Variants in FBXW10 observed in about 807,000 individuals in gnomAD.
The protein encoded by FBXW10 is F-box/WD repeat-containing protein 10.
FBXW10 carries 68 observed loss-of-function variants against 113.1 expected under a neutral mutation model. The observed-to-expected ratio is 0.60, with a 90% CI of 0.49 to 0.74. FBXW10 has a LOEUF of 0.74. Among genes scored for constraint, FBXW10 ranks in the 30% least tolerant of loss-of-function variants. The pLI, the probability that FBXW10 is intolerant of heterozygous loss-of-function variation, is 0.00. For synonymous variants in FBXW10, 289 were observed against 481.6 expected (o/e 0.60, Z 5.24); for missense variants, 753 against 1,284.5 (o/e 0.59, Z 6.32).
rs1173693797 is a variant in FBXW10 at position 18,772,557 on chromosome 17, A to G, written c.2152A>G (p.Lys718Glu). 6.2e-7 allele frequency: 1 copy of G among 1,614,082 alleles called. No homozygotes were observed. Among genetic ancestry groups the G allele is most frequent in the African/African-American group, 1.3e-5 (1 of 75,062 alleles). ...EENSLMEILS[K>E]CNIQVHSPRE... ...AAATAGTCTCATGGAAATTCTCTCT[A>G]AGTGTAATATTCAGGTTCACAGCCC... The change falls in exon 12 of 14, where the codon AAG (lysine) becomes GAG (glutamate). Residue 718 changes from lysine (K) to glutamate (E), a missense_variant. By Grantham distance (56) the Lys-to-Glu change is moderately conservative. Coordinates refer to ENST00000395665, the MANE Select transcript of FBXW10 (RefSeq NM_001267585.2).
chr17:18,765,593 G>C (rs1362612783), intron 8 of FBXW10, among the ~76,000 whole-genome samples: 1 of 152,254 alleles, frequency 6.6e-6, no homozygotes, highest in Admixed American at 6.5e-5. Context: ...TGCCATGCAA[G>C]TGTCAACTCT....
chr17:18,769,839 A>G (rs1398034900), intron 10 of FBXW10, 88 bp from the exon 11 acceptor site: 2 of 1,470,114 alleles, frequency 1.4e-6, no homozygotes. Context: ...AGTGCTGCTC[A>G]ATCACACACA....
At chr17:18,755,517 C>G (rs1284710091) in intron 5 of FBXW10, among the ~76,000 whole-genome samples, 1 of 151,328 alleles carries the variant, frequency 6.6e-6, no homozygotes, top group Non-Finnish European at 1.5e-5. Flanking sequence ...GATCGCACCA[C>G]TACACTCCAG....
At chr17:18,750,425 G>A (rs2035142718) in intron 4 of FBXW10, among the ~76,000 whole-genome samples, 1 of 151,630 alleles carries the variant, frequency 6.6e-6, no homozygotes, top group Non-Finnish European at 1.5e-5. Flanking sequence ...CCAGCCCCCA[G>A]GGAGTTATAT....
At chr17:18,749,598 G>A in intron 2 of FBXW10, 124 bp from the exon 3 acceptor site, 1 of 1,205,222 alleles carries the variant, frequency 8.3e-7, no homozygotes, top group Admixed American at 2.7e-5. Context: ...CAAAAATCTA[G>A]TGGCCTAAGG....
intron 10 of FBXW10, chr17:18,769,641 G>T (rs1489762236): frequency 3.2e-6 from 1 of 316,020 alleles, no homozygotes; most frequent in Non-Finnish European, 5.8e-6. Context: ...GCCAGGTGTG[G>T]TGGCGCATCA....
chr17:18,747,735 G>A (rs1021872937), intron 1 of FBXW10, among the ~76,000 whole-genome samples: 12 of 151,982 alleles, frequency 7.9e-5, no homozygotes, highest in Admixed American at 7.9e-4. Context: ...ATTTTACAAT[G>A]GGGGCGTGCT....
At position 18,779,096 on chromosome 17, in the gene FBXW10, T is replaced by C. The variant is rs77817142; in HGVS notation, c.2957T>C (p.Val986Ala). 2.4e-3 allele frequency: 3,280 copies of C among 1,348,198 alleles called. 536 individuals are homozygous for C. The African/African-American group carries it at 0.046, about 19-fold the overall frequency. 83.5% of individuals were successfully genotyped at this position (1,348,198 alleles called of 1,614,324 possible). The change falls in exon 14 of 14, where the codon GTG (valine) becomes GCG (alanine). Residue 986 changes from valine (V) to alanine (A), a missense_variant. Physicochemically the swap from Val to Ala is moderately conservative, Grantham distance 64. Coordinates refer to ENST00000395665, the MANE Select transcript of FBXW10 (RefSeq NM_001267585.2). The stretch of plus-strand genomic sequence containing the variant: ...CCTTTTAGAGTGAACACTGAGTTCG[T>C]GCTGTTGACCGTGAAGGAGGAGAAG... ...LDPFRVNTEF[V>A]LLTVKEEKEH...
chr17:18,749,324 G>C (rs2035107614), intron 2 of FBXW10, among the ~76,000 whole-genome samples: 1 of 151,948 alleles, frequency 6.6e-6, no homozygotes, highest in East Asian at 1.9e-4. Flanking sequence ...GGATCACACG[G>C]TCAGGAGATC....
chr17:18,770,739 C>G (rs1273764951), intron 11 of FBXW10, among the ~76,000 whole-genome samples: 1 of 152,040 alleles, frequency 6.6e-6, no homozygotes, highest in Non-Finnish European at 1.5e-5. Flanking sequence ...CCTGAGAGCT[C>G]TATCAGCTAT....
At chr17:18,746,121 G>A (rs1012627478) in intron 1 of FBXW10, among the ~76,000 whole-genome samples, 14 of 152,050 alleles carry the variant, frequency 9.2e-5, no homozygotes, top group African/African-American at 2.9e-4. Context: ...GCTCTTGCTC[G>A]AACTATATTA....
chr17:18,744,457 C>G lies in FBXW10; in HGVS notation c.213C>G (p.His71Gln), dbSNP rs568555990. The G allele has an allele frequency of 6.2e-7, 1 of 1,613,742 alleles. No individual in the cohort carries two copies. Among genetic ancestry groups the G allele is most frequent in the Non-Finnish European group, 8.5e-7 (1 of 1,179,818 alleles). The change falls in exon 1 of 14, where the codon CAC becomes CAG. Residue 71 changes from histidine (H) to glutamine (Q), a missense_variant. Transcript: ENST00000395665. ...LKQLNSLYLL[H>Q]YFQNILQTTQ... ...AGTTAAATAGCTTATATTTGTTACA[C>G]TATTTCCAAAATATCCTTCAGACCA...
chr17:18,759,605 G>A (rs1234240360), intron 7 of FBXW10, among the ~76,000 whole-genome samples: 1 of 146,324 alleles, frequency 6.8e-6, no homozygotes, highest in African/African-American at 2.5e-5. Flanking sequence ...CATTTGCATT[G>A]TTTCTAGTTT....
intron 5 of FBXW10, among the ~76,000 whole-genome samples, 181 bp downstream of exon 5, chr17:18,751,234 T>C (rs1175399934): frequency 4.0e-5 from 6 of 151,674 alleles, no homozygotes; most frequent in Non-Finnish European, 8.8e-5. Flanking sequence ...CTTTTTTTTT[T>C]TTTTTTAATG....
chr17:18,751,455 C>T (rs1365914247), intron 5 of FBXW10, among the ~76,000 whole-genome samples: 2 of 152,096 alleles, frequency 1.3e-5, no homozygotes, highest in African/African-American at 4.8e-5. Flanking sequence ...TGGTCTTGAT[C>T]TCCTGACCTT....
At chr17:18,777,765 G>A (rs2035730039) in intron 13 of FBXW10, among the ~76,000 whole-genome samples, 1 of 150,908 alleles carries the variant, frequency 6.6e-6, no homozygotes, top group East Asian at 2.0e-4. Context: ...GGATGGTCTG[G>A]ATCTCCTGAC....
chr17:18,755,541 C>T (rs938882138), intron 5 of FBXW10, among the ~76,000 whole-genome samples: 3 of 123,740 alleles, frequency 2.4e-5, no homozygotes, highest in Non-Finnish European at 3.4e-5. Flanking sequence ...GGCGACAGAG[C>T]GAGACTCCGT....
chr17:18,747,533 G>C lies in FBXW10; in HGVS notation c.506-408G>C, dbSNP rs1317423859. 5.9e-5 allele frequency among the ~76,000 whole-genome samples: 9 copies of C among 152,150 alleles called. 1 individual carries two copies. The South Asian group carries it at 1.9e-3, about 32-fold the overall frequency. On this transcript the variant is annotated intron_variant, in intron 1 of 13. Transcript: ENST00000395665. ...ACCGAGCCATTGCACTCCACCCTGGGCAATAAGAGCAAAACTCAGTCTCAA... is the reference window on the plus strand; with the variant it reads ...ACCGAGCCATTGCACTCCACCCTGGCCAATAAGAGCAAAACTCAGTCTCAA...
chr17:18,775,779 G>A (rs2035687301), intron 13 of FBXW10, among the ~76,000 whole-genome samples: 1 of 152,198 alleles, frequency 6.6e-6, no homozygotes, highest in Non-Finnish European at 1.5e-5. Context: ...TGTAATTCCA[G>A]TGCTTTGGGA....
Sources: gnomAD v4.1 joint callset for allele counts (sites outside exome capture counted in the v4.1 genomes callset) on GRCh38, gnomAD v4.1.1 for gene constraint, MANE v1.5 for transcripts, NCBI Gene and HGNC (gene_info 2026-07-23, HGNC 2026-07-21) for gene names.